The following CDK14 variants were observed in gnomAD, a reference collection of about 807,000 sequenced individuals.
CDK14 encodes cyclin dependent kinase 14.
CDK14 carries 34 observed loss-of-function variants against 60.7 expected under a neutral mutation model. That is an observed-to-expected ratio of 0.56 (90% CI 0.43 to 0.75). CDK14 has a LOEUF of 0.75. Among genes scored for constraint, CDK14 ranks in the 30% least tolerant of loss-of-function variants. The pLI, the probability that CDK14 is intolerant of heterozygous loss-of-function variation, is 0.00. For missense variants in CDK14, 482 were observed against 564.1 expected, an observed-to-expected ratio of 0.85 and a Z score of 1.47; for synonymous variants, 197 against 203.7, an observed-to-expected ratio of 0.97 and a Z score of 0.28.
intron 11 of CDK14, among the ~76,000 whole-genome samples, chr7:91,061,454 C>T (rs1004661038): frequency 6.6e-6 from 1 of 152,196 alleles, no homozygotes; most frequent in Non-Finnish European, 1.5e-5. Context: ...GAACTGCGTT[C>T]CTTTGGAGGA....
chr7:90,601,737 C>A (rs887128930), intron 1 of CDK14, among the ~76,000 whole-genome samples: 11 of 152,042 alleles, frequency 7.2e-5, no homozygotes, highest in Non-Finnish European at 1.3e-4. Flanking sequence ...ATTTGCAGTT[C>A]CCTAAGGGAT....
At chr7:90,973,870 G>A (rs1052841149) in intron 9 of CDK14, among the ~76,000 whole-genome samples, 29 of 152,182 alleles carry the variant, frequency 1.9e-4, no homozygotes, top group Middle Eastern at 3.4e-3. Context: ...CACTGTGCAC[G>A]CATTGTCTTG....
chr7:90,676,941 A>G (rs1801212628), intron 2 of CDK14, among the ~76,000 whole-genome samples: 1 of 129,426 alleles, frequency 7.7e-6, no homozygotes, highest in East Asian at 2.7e-4. Context: ...TCAGTTGTAT[A>G]TCAAGTTTTT....
intron 10 of CDK14, among the ~76,000 whole-genome samples, chr7:91,025,905 C>T (rs1206064052): frequency 6.6e-6 from 1 of 152,204 alleles, no homozygotes; most frequent in African/African-American, 2.4e-5. Flanking sequence ...TGCCCACTCA[C>T]TGTCAATGTC....
At chr7:90,705,034 TATA>T (rs1238963323) in intron 2 of CDK14, among the ~76,000 whole-genome samples, 1 of 152,026 alleles carries the variant, frequency 6.6e-6, no homozygotes, top group Non-Finnish European at 1.5e-5. Context: ...TATTACTAAA[TATA>T]ATCTATTTTA....
At chr7:91,167,879 C>G (rs1389858067) in intron 14 of CDK14, among the ~76,000 whole-genome samples, 2 of 152,124 alleles carry the variant, frequency 1.3e-5, no homozygotes, top group African/African-American at 4.8e-5. Context: ...GTTGGCTGTT[C>G]ACATTTTACA....
At chr7:90,684,594 T>A (rs1256375631) in intron 2 of CDK14, among the ~76,000 whole-genome samples, 1 of 152,214 alleles carries the variant, frequency 6.6e-6, no homozygotes, top group Non-Finnish European at 1.5e-5. Flanking sequence ...TAGTGTCCTG[T>A]CCAGTCTGTT....
intron 2 of CDK14, 112 bp downstream of exon 2, chr7:90,604,361 T>A (rs1799375736): frequency 1.8e-6 from 1 of 560,154 alleles, no homozygotes. Context: ...AAACGCGAGA[T>A]AACATCTGTT....
intron 2 of CDK14, among the ~76,000 whole-genome samples, chr7:90,695,903 G>A (rs1027555646): frequency 8.5e-5 from 13 of 152,136 alleles, no homozygotes; most frequent in African/African-American, 2.7e-4. Flanking sequence ...TTGGGGTGTA[G>A]CAATTTACTC....
At chr7:90,930,435 A>G (rs1315538971) in intron 8 of CDK14, among the ~76,000 whole-genome samples, 1 of 147,438 alleles carries the variant, frequency 6.8e-6, no homozygotes, top group East Asian at 2.0e-4. Flanking sequence ...ATGCCTGTGT[A>G]TTTGACCTTC....
At chr7:90,715,179 G>A (rs1391838001) in intron 2 of CDK14, among the ~76,000 whole-genome samples, 2 of 152,016 alleles carry the variant, frequency 1.3e-5, no homozygotes, top group Non-Finnish European at 2.9e-5. Flanking sequence ...GAACTGGCCT[G>A]GTTTAGTACA....
intron 14 of CDK14, among the ~76,000 whole-genome samples, chr7:91,119,870 C>G (rs1219054891): frequency 6.6e-6 from 1 of 152,120 alleles, no homozygotes; most frequent in African/African-American, 2.4e-5. Flanking sequence ...TGTTATTTCT[C>G]CCTGTTGAAT....
chr7:91,116,753 A>C (rs898852437), intron 13 of CDK14, among the ~76,000 whole-genome samples: 8 of 152,088 alleles, frequency 5.3e-5, no homozygotes, highest in Admixed American at 1.3e-4. Context: ...CACAATTGAC[A>C]ACCATCTCCT....
chr7:90,890,849 A>G (rs948460887), intron 6 of CDK14, among the ~76,000 whole-genome samples: 15 of 152,242 alleles, frequency 9.9e-5, no homozygotes, highest in East Asian at 1.9e-4. Flanking sequence ...CAGTTTCCCA[A>G]TAAATTACAT....
At chr7:90,605,273 T>C (rs1799394506) in intron 2 of CDK14, among the ~76,000 whole-genome samples, 1 of 152,256 alleles carries the variant, frequency 6.6e-6, no homozygotes, top group Admixed American at 6.5e-5. Flanking sequence ...GGGGCCACCG[T>C]CATTTGGCTG....
chr7:91,018,945 C>A (rs1014021661), intron 10 of CDK14, among the ~76,000 whole-genome samples: 2 of 152,090 alleles, frequency 1.3e-5, no homozygotes, highest in Non-Finnish European at 2.9e-5. Context: ...CCTGAGGACT[C>A]CACCTTCATG....
intron 9 of CDK14, among the ~76,000 whole-genome samples, chr7:90,964,092 A>G (rs1431638678): frequency 2.0e-5 from 3 of 152,212 alleles, no homozygotes; most frequent in Non-Finnish European, 2.9e-5. Context: ...AAGATCAGTA[A>G]CAAGCGTCAT....
intron 7 of CDK14, among the ~76,000 whole-genome samples, chr7:90,907,587 A>G (rs532490030): frequency 6.6e-6 from 1 of 152,216 alleles, no homozygotes; most frequent in Admixed American, 6.6e-5. Flanking sequence ...TGACTTTTCT[A>G]GAAGGTTCCC....
At chr7:90,735,114 T>A (rs1301691623) in intron 3 of CDK14, among the ~76,000 whole-genome samples, 2 of 152,206 alleles carry the variant, frequency 1.3e-5, no homozygotes, top group African/African-American at 2.4e-5. Context: ...GTCTAGACCC[T>A]GTTTGCCTGG....
Sources: allele counts gnomAD v4.1 joint callset (sites outside exome capture counted in the v4.1 genomes callset), GRCh38; gene constraint gnomAD v4.1.1; transcripts MANE v1.5; gene names NCBI Gene and HGNC (gene_info 2026-07-23, HGNC 2026-07-21).